Variants in ARHGAP10 observed in about 807,000 individuals in gnomAD.
The protein encoded by ARHGAP10 is Rho GTPase activating protein 10.
A neutral mutation model predicts 108.6 loss-of-function variants in ARHGAP10; 87 were observed. That is an observed-to-expected ratio of 0.80 (90% CI 0.67 to 0.96). The LOEUF (loss-of-function observed/expected upper bound fraction) is 0.96. Among genes scored for constraint, ARHGAP10 ranks in the 40% least tolerant of loss-of-function variants. ARHGAP10 has a pLI of 0.00. For missense variants in ARHGAP10, 939 were observed against 954.5 expected (o/e 0.98, Z 0.21); for synonymous variants, 347 against 341.1 (o/e 1.02, Z -0.19).
At chr4:148,018,137 C>G (rs183379728) in intron 18 of ARHGAP10, among the ~76,000 whole-genome samples, 2 of 152,176 alleles carry the variant, frequency 1.3e-5, no homozygotes, top group African/African-American at 4.8e-5. Flanking sequence ...GTTGTAAATA[C>G]GTAGGTGCTG....
At chr4:147,804,182 G>T (rs1731689846) in intron 1 of ARHGAP10, among the ~76,000 whole-genome samples, 1 of 151,912 alleles carries the variant, frequency 6.6e-6, no homozygotes, top group Non-Finnish European at 1.5e-5. Context: ...AGCCCCCCAG[G>T]TCTGTTGTTC....
At chr4:148,052,262 G>T (rs536061553) in intron 20 of ARHGAP10, among the ~76,000 whole-genome samples, 12 of 149,690 alleles carry the variant, frequency 8.0e-5, no homozygotes, top group Non-Finnish European at 1.6e-4. Flanking sequence ...TTCAGAGAGG[G>T]CTTCCTCAAC....
intron 1 of ARHGAP10, among the ~76,000 whole-genome samples, chr4:147,755,556 C>T (rs1236140797): frequency 3.3e-5 from 5 of 152,226 alleles, no homozygotes; most frequent in South Asian, 2.1e-4. Flanking sequence ...ATACCAGTTC[C>T]ATGTTATCAA....
intron 1 of ARHGAP10, among the ~76,000 whole-genome samples, chr4:147,810,426 A>T (rs1412260874): frequency 6.6e-6 from 1 of 152,212 alleles, no homozygotes; most frequent in Non-Finnish European, 1.5e-5. Flanking sequence ...AAAAGGTGCA[A>T]CCAGTCTTCT....
rs150810986 is a variant in ARHGAP10, at chr4:147,795,138, A to C, written c.155-27589A>C. 1.1e-4 allele frequency among the ~76,000 whole-genome samples: 16 copies of C among 152,210 alleles called. No individual in the cohort carries two copies. In the East Asian group the frequency reaches 2.9e-3, roughly 28 times the overall value. ...CACTGTGTCACCTACGCTGGAGTGT[A>C]GTTACACCATCATAGCTCACTGCAG... is the stretch of plus-strand genomic sequence containing the variant. On this transcript the variant is annotated intron_variant, in intron 1 of 22. Coordinates refer to ENST00000336498, the MANE Select transcript of ARHGAP10 (RefSeq NM_024605.4).
intron 18 of ARHGAP10, among the ~76,000 whole-genome samples, chr4:147,975,646 C>T (rs1349263637): frequency 3.3e-5 from 5 of 152,148 alleles, no homozygotes; most frequent in Non-Finnish European, 5.9e-5. Context: ...GCTTTTCTAA[C>T]GAACTCTCTT....
intron 19 of ARHGAP10, among the ~76,000 whole-genome samples, chr4:148,044,417 A>C (rs1223581868): frequency 6.6e-6 from 1 of 152,162 alleles, no homozygotes; most frequent in East Asian, 1.9e-4. Flanking sequence ...CCCAACTGTC[A>C]GGGCACACAG....
rs980486701 is a variant in ARHGAP10, at chr4:147,937,122, C to A, written c.1229-2703C>A. Among the ~76,000 whole-genome samples, 3 of 152,270 alleles carry A rather than the reference C, an allele frequency of 2.0e-5. No individual in the cohort carries two copies. In the South Asian group the frequency reaches 6.2e-4, roughly 32 times the overall value. On this transcript the variant is annotated intron_variant, in intron 13 of 22. Coordinates refer to ENST00000336498, the MANE Select transcript of ARHGAP10 (RefSeq NM_024605.4). The stretch of plus-strand genomic sequence containing the variant: ...TCTTCCATGAAACCAGCCCCTGGTG[C>A]CAAAAAGGTTGGGGATGGGGGCTGC...
intron 22 of ARHGAP10, among the ~76,000 whole-genome samples, chr4:148,066,127 G>C (rs2149692606): frequency 6.6e-6 from 1 of 152,294 alleles, no homozygotes; most frequent in South Asian, 2.1e-4. Flanking sequence ...TCTGCTGGTG[G>C]ACCTGGGCCT....
At chr4:147,974,416 G>A (rs1031069918) in intron 18 of ARHGAP10, among the ~76,000 whole-genome samples, 48 of 152,232 alleles carry the variant, frequency 3.2e-4, no homozygotes, top group African/African-American at 9.4e-4. Flanking sequence ...TGAAGAGCCT[G>A]TGAAAAGCAT....
At chr4:147,814,304 T>C (rs1407028277) in intron 1 of ARHGAP10, among the ~76,000 whole-genome samples, 20 of 151,882 alleles carry the variant, frequency 1.3e-4, no homozygotes, top group Non-Finnish European at 2.1e-4. Flanking sequence ...TTTTTTTTTT[T>C]CCAAGCTTTA....
chr4:147,748,782 G>T (rs545636215), intron 1 of ARHGAP10, among the ~76,000 whole-genome samples: 1 of 152,208 alleles, frequency 6.6e-6, no homozygotes, highest in South Asian at 2.1e-4. Context: ...ACCAGCCTGG[G>T]CAACATAGAC....
At chr4:148,059,295 C>A (rs530472585) in intron 20 of ARHGAP10, among the ~76,000 whole-genome samples, 24 of 152,252 alleles carry the variant, frequency 1.6e-4, no homozygotes, top group Middle Eastern at 3.4e-3. Flanking sequence ...CAGTTGACTT[C>A]TTCCTCCATT....
At chr4:147,875,739 G>A (rs1266871836) in intron 8 of ARHGAP10, among the ~76,000 whole-genome samples, 4 of 152,156 alleles carry the variant, frequency 2.6e-5, no homozygotes, top group Non-Finnish European at 4.4e-5. Flanking sequence ...TTCCTACGTG[G>A]CATCCTAACT....
chr4:147,749,426 A>G (rs1010073163), intron 1 of ARHGAP10, among the ~76,000 whole-genome samples: 2 of 152,248 alleles, frequency 1.3e-5, no homozygotes, highest in African/African-American at 2.4e-5. Flanking sequence ...ATTTTTGAAG[A>G]AACAAAGCAT....
chr4:148,054,790 G>A (rs1349015561), intron 20 of ARHGAP10, among the ~76,000 whole-genome samples: 2 of 152,124 alleles, frequency 1.3e-5, no homozygotes, highest in Admixed American at 1.3e-4. Context: ...ATTCTGAGCC[G>A]TATACCCAGG....
intron 1 of ARHGAP10, among the ~76,000 whole-genome samples, chr4:147,775,733 A>G (rs575995051): frequency 1.3e-5 from 2 of 152,290 alleles, no homozygotes; most frequent in African/African-American, 4.8e-5. Flanking sequence ...CCTCCTCCCT[A>G]GGCATGGGGG....
intron 18 of ARHGAP10, among the ~76,000 whole-genome samples, chr4:148,021,153 C>T (rs968717126): frequency 1.3e-5 from 2 of 152,162 alleles, no homozygotes; most frequent in African/African-American, 4.8e-5. Context: ...GGGTTGGACC[C>T]AGCCCTGAGA....
chr4:148,030,696 A>G (rs933624100), intron 19 of ARHGAP10, among the ~76,000 whole-genome samples: 2 of 152,214 alleles, frequency 1.3e-5, no homozygotes, highest in Non-Finnish European at 1.5e-5. Flanking sequence ...GACTGAGGCA[A>G]TGCCAGAGAA....
Sources: gnomAD v4.1 joint callset for allele counts (sites outside exome capture counted in the v4.1 genomes callset) on GRCh38, gnomAD v4.1.1 for gene constraint, MANE v1.5 for transcripts, NCBI Gene and HGNC (gene_info 2026-07-23, HGNC 2026-07-21) for gene names.